TTC21A: variants seen among roughly 807,000 people sequenced by gnomAD.
TTC21A encodes tetratricopeptide repeat protein 21A.
Under a neutral mutation model 156.4 loss-of-function variants are expected in TTC21A, and 128 were observed. The ratio of observed to expected loss-of-function variants is 0.82; its 90% CI spans 0.71 to 0.95. The LOEUF (loss-of-function observed/expected upper bound fraction) is 0.95, where lower values mean the gene tolerates loss of function less well. Ranked by LOEUF, TTC21A falls within the 40% of genes least tolerant of loss-of-function variation. The pLI is 0.00. For missense variants in TTC21A, 1,435 were observed against 1,602.3 expected, an observed-to-expected ratio of 0.90 and a Z score of 1.78; for synonymous variants, 587 against 617.1, an observed-to-expected ratio of 0.95 and a Z score of 0.72.
chr3:39,123,812 A>G (rs1285510017), intron 9 of TTC21A, among the ~76,000 whole-genome samples: 1 of 152,208 alleles, frequency 6.6e-6, no homozygotes, highest in Non-Finnish European at 1.5e-5. Flanking sequence ...CACTTGCAAC[A>G]AAGGGTTAAT....
chr3:39,122,972 A>T (rs550363382), intron 9 of TTC21A, among the ~76,000 whole-genome samples: 1 of 152,326 alleles, frequency 6.6e-6, no homozygotes, highest in South Asian at 2.1e-4. Flanking sequence ...AAATGTGCCT[A>T]GTTGCTGCCC....
intron 6 of TTC21A, among the ~76,000 whole-genome samples, chr3:39,115,433 G>A (rs1559675584): frequency 6.6e-6 from 1 of 152,194 alleles, no homozygotes; most frequent in Non-Finnish European, 1.5e-5. Flanking sequence ...GGCCGAGGCA[G>A]GAGGATTGCT....
intron 12 of TTC21A, among the ~76,000 whole-genome samples, 169 bp downstream of exon 12, chr3:39,126,559 A>ATG (rs2038279423): frequency 6.7e-6 from 1 of 148,458 alleles, no homozygotes; most frequent in Non-Finnish European, 1.5e-5. Context: ...ACACACACAC[A>ATG]TGCATGCTCC....
chr3:39,133,902 G>C (rs923864216), intron 20 of TTC21A, among the ~76,000 whole-genome samples: 3 of 152,168 alleles, frequency 2.0e-5, no homozygotes, highest in Non-Finnish European at 4.4e-5. Context: ...GGGATACAGG[G>C]CACCACTTGG....
At chr3:39,136,860 A>G (rs759905683) in intron 23 of TTC21A, 39 bp from the exon 24 acceptor site, 2 of 1,610,180 alleles carry the variant, frequency 1.2e-6, no homozygotes. Flanking sequence ...TCTGGGCCTC[A>G]GTTTCCCTCA....
Position 39,134,412 on chromosome 3 carries a change from C to T in TTC21A, c.2862+84C>T. 1.0e-6 allele frequency: 1 copy of T among 967,774 alleles called. No homozygotes were observed. Among genetic ancestry groups the T allele is most frequent in the Non-Finnish European group, 1.7e-6 (1 of 591,346 alleles). 59.9% of individuals were successfully genotyped at this position (967,774 alleles called of 1,614,324 possible). ...TGACCAGATGCAGGCTACTTCCTAGCCCCGTAACCTCAGATGCCTCACTGA... is the reference window on the plus strand; with the variant it reads ...TGACCAGATGCAGGCTACTTCCTAGTCCCGTAACCTCAGATGCCTCACTGA... On this transcript the variant is annotated intron_variant, in intron 21 of 28. Transcript: ENST00000683103. This position sits in a 1 kb window ranked among gnomAD's most constrained non-coding sequence, Gnocchi z 4.6.
chr3:39,125,749 G>C (rs962359372), intron 11 of TTC21A, among the ~76,000 whole-genome samples: 3 of 152,222 alleles, frequency 2.0e-5, no homozygotes, highest in African/African-American at 4.8e-5. Flanking sequence ...CTACAGGGGG[G>C]TCTAAAACCC....
Position 39,125,328 on chromosome 3 carries a change from AC to A in TTC21A, c.1192-3del. On this transcript the variant is annotated splice_region_variant and splice_polypyrimidine_tract_variant and intron_variant, in intron 10 of 28. Coordinates refer to ENST00000683103, the MANE Select transcript of TTC21A (RefSeq NM_001366900.1). ...GCACTGAGACTCGGTCCTCTCTTCC[AC>A]AGGTGCTAATTTTCCTCCAAGCCCT... 6 of 1,613,580 alleles carry A rather than the reference AC, an allele frequency of 3.7e-6. No individual in the cohort carries two copies. The highest frequency in any genetic ancestry group is 5.1e-6 in the Non-Finnish European group (6 of 1,179,884).
intron 9 of TTC21A, among the ~76,000 whole-genome samples, chr3:39,124,696 T>C (rs2038074220): frequency 6.7e-6 from 1 of 149,108 alleles, no homozygotes; most frequent in African/African-American, 2.5e-5. Flanking sequence ...ATGGTGTATG[T>C]GAAATTTGAT....
chr3:39,116,622 A>C (rs1202005010), intron 6 of TTC21A, among the ~76,000 whole-genome samples: 3 of 152,022 alleles, frequency 2.0e-5, no homozygotes, highest in African/African-American at 7.2e-5. Flanking sequence ...ACTACAAGCA[A>C]GCACCACCAT....
At position 39,112,451 on chromosome 3, in the gene TTC21A, A is replaced by G; in HGVS notation, c.436-7A>G. On this transcript the variant is annotated splice_polypyrimidine_tract_variant and splice_region_variant and intron_variant, in intron 4 of 28. Coordinates refer to ENST00000683103, the MANE Select transcript of TTC21A (RefSeq NM_001366900.1). The stretch of plus-strand genomic sequence containing the variant: ...GGACTTCATCTTTCATCTTGTTCTC[A>G]TCCCAGGCCTATGTGCTCAGAGGCT... 1 of 1,613,860 alleles carries G rather than the reference A, an allele frequency of 6.2e-7. No individual in the cohort carries two copies. The highest frequency in any genetic ancestry group is 8.5e-7 in the Non-Finnish European group (1 of 1,179,804).
At chr3:39,125,221 C>T (rs1420518650) in intron 10 of TTC21A, 61 bp downstream of exon 10, 1 of 1,535,046 alleles carries the variant, frequency 6.5e-7, no homozygotes, top group Non-Finnish European at 9.0e-7. Flanking sequence ...TCCTCCCACC[C>T]CCACTTTCCA....
rs751001489 is a variant in TTC21A at position 39,128,424 on chromosome 3, TGGCTCAG to T, written c.1620_1626del (p.Gln541ThrfsTer9). ...CATCTCCTCATGTGTCAGATCTACTTGGCTCAGGGCAACTTTGGCATGTGCTTCCACT... is the reference window on the plus strand; with the variant it reads ...CATCTCCTCATGTGTCAGATCTACTTGGCAACTTTGGCATGTGCTTCCACT... On this transcript the variant is annotated frameshift_variant, in exon 13 of 29. Transcript: ENST00000683103. LOFTEE classifies it high-confidence loss of function. 6.2e-7 allele frequency: 1 copy of T among 1,614,216 alleles called. No homozygotes were observed.
chr3:39,126,412 C>T, intron 12 of TTC21A, 22 bp downstream of exon 12: 1 of 1,557,198 alleles, frequency 6.4e-7, no homozygotes, highest in Admixed American at 1.7e-5. Flanking sequence ...ATCCTGACAG[C>T]CGGGTGGGGC....
intron 8 of TTC21A, among the ~76,000 whole-genome samples, chr3:39,120,383 C>T (rs2037671512): frequency 2.0e-5 from 3 of 152,198 alleles, no homozygotes; most frequent in African/African-American, 7.2e-5. Context: ...GCCCATCTCC[C>T]ATATTCTTTT....
At position 39,137,306 on chromosome 3, in the gene TTC21A, G is replaced by A. The variant is rs2039200175; in HGVS notation, c.3369G>A (p.Gln1123=). The A allele has an allele frequency of 2.5e-6, 4 of 1,614,126 alleles. No individual in the cohort carries two copies. Among genetic ancestry groups the A allele is most frequent in the Non-Finnish European group, 3.4e-6 (4 of 1,180,016 alleles). ...GCCAGACCCAGCTGCGGCTGCTGCAGGGCCTCTGCCGGCTGGCCACCAGGG... is the reference window on the plus strand; with the variant it reads ...GCCAGACCCAGCTGCGGCTGCTGCAAGGCCTCTGCCGGCTGGCCACCAGGG... ...DSSQTQLRLL[Q]GLCRLATREK... is the part of the protein sequence containing the mutation. Residue 1123 remains glutamine, a synonymous_variant, in exon 25 of 29, where the codon CAG becomes CAA. Transcript: ENST00000683103.
Position 39,133,108 on chromosome 3 carries a change from G to T in TTC21A, c.2619G>T (p.Met873Ile), listed in dbSNP as rs1295936115. 2 of 1,614,254 alleles carry T rather than the reference G, an allele frequency of 1.2e-6. No individual in the cohort carries two copies. The highest frequency in any genetic ancestry group is 1.7e-6 in the Non-Finnish European group (2 of 1,180,050). ...LKRVPLEQPEMIPSQKQLAAS... is the reference protein window; with the variant it reads ...LKRVPLEQPEIIPSQKQLAAS... ...GAGTTCCACTGGAGCAACCAGAAAT[G>T]ATTCCCTCCCAGAAGCAACTGGCAG... The change falls in exon 20 of 29, where the codon ATG becomes ATT. Residue 873 changes from methionine (M) to isoleucine (I), a missense_variant. Physicochemically the swap from Met to Ile is conservative, Grantham distance 10. Transcript: ENST00000683103.
Position 39,128,508 on chromosome 3 carries a change from C to A in TTC21A, c.1680+20C>A. ...TTCCAGGTGGGTGCCCTCTCATCCT[C>A]TCAGCATCCCAAAGCCCAGCTAGCT... On this transcript the variant is annotated intron_variant, in intron 13 of 28. Coordinates refer to ENST00000683103, the MANE Select transcript of TTC21A (RefSeq NM_001366900.1). 6.2e-7 allele frequency: 1 copy of A among 1,613,750 alleles called. No individual in the cohort carries two copies. Among genetic ancestry groups the A allele is most frequent in the Non-Finnish European group, 8.5e-7 (1 of 1,179,810 alleles).
Position 39,110,674 on chromosome 3 carries a change from C to T in TTC21A, c.269-177C>T, listed in dbSNP as rs1284761669. On this transcript the variant is annotated intron_variant, in intron 3 of 28. Transcript: ENST00000683103. ...GGCAGCCCCTGCAGCATCTCAAGGG[C>T]AGGTACTGCTGGTTTCCAGGCCTTG... Among the ~76,000 whole-genome samples the T allele has an allele frequency of 2.4e-4, 36 of 152,360 alleles. 1 individual carries two copies. The highest frequency in any genetic ancestry group is 4.4e-5 in the Non-Finnish European group (3 of 68,032).
Sources: allele counts gnomAD v4.1 joint callset (sites outside exome capture counted in the v4.1 genomes callset), GRCh38; gene constraint gnomAD v4.1.1; non-coding constraint Gnocchi (gnomAD v3.1); transcripts MANE v1.5; gene names NCBI Gene and HGNC (gene_info 2026-07-23, HGNC 2026-07-21).